HS3ST2: variants seen among roughly 807,000 people sequenced by gnomAD.
HS3ST2 encodes the protein heparan sulfate glucosamine 3-O-sulfotransferase 2.
In HS3ST2, 17 loss-of-function variants were observed where a neutral mutation model predicts 26.3. That is an observed-to-expected ratio of 0.65 (90% CI 0.44 to 0.97). The LOEUF (loss-of-function observed/expected upper bound fraction) is 0.97, where lower values mean the gene tolerates loss of function less well. HS3ST2 is among the 50% of genes least tolerant of loss of function. The pLI is 0.00. For missense variants in HS3ST2, 402 were observed against 501.2 expected, an observed-to-expected ratio of 0.80 and a Z score of 1.89; for synonymous variants, 237 against 219.2, an observed-to-expected ratio of 1.08 and a Z score of -0.72.
At chr16:22,846,695 C>A (rs1459539539) in intron 1 of HS3ST2, among the ~76,000 whole-genome samples, 3 of 152,228 alleles carry the variant, frequency 2.0e-5, no homozygotes, top group South Asian at 2.1e-4. Flanking sequence ...TGGACTAGGG[C>A]AATTCCAAAG....
intron 1 of HS3ST2, among the ~76,000 whole-genome samples, chr16:22,822,092 G>T (rs753895923): frequency 2.6e-5 from 4 of 152,168 alleles, no homozygotes; most frequent in Non-Finnish European, 5.9e-5. Context: ...CCTTCCAAAT[G>T]GTGGCATAGT....
intron 1 of HS3ST2, among the ~76,000 whole-genome samples, chr16:22,888,550 T>C (rs1040225832): frequency 2.2e-4 from 33 of 151,938 alleles, no homozygotes; most frequent in African/African-American, 8.0e-4. Context: ...CCACACCTGG[T>C]TAATTTTTTG....
intron 1 of HS3ST2, among the ~76,000 whole-genome samples, chr16:22,904,606 G>T (rs990633884): frequency 1.3e-5 from 2 of 152,210 alleles, no homozygotes; most frequent in Non-Finnish European, 2.9e-5. Flanking sequence ...TGCCAGGCAG[G>T]TTAAGGAGGG....
At chr16:22,886,432 T>C (rs1902059482) in intron 1 of HS3ST2, among the ~76,000 whole-genome samples, 1 of 152,206 alleles carries the variant, frequency 6.6e-6, no homozygotes, top group African/African-American at 2.4e-5. Context: ...GGGCTTCTTG[T>C]GTGAAGTGCA....
In HS3ST2 at chr16:22,914,736, C is replaced by CAAAAAAAAAAA. The variant is rs1159639879; in HGVS notation, c.486-190_486-180dup. Among the ~76,000 whole-genome samples, 4 of 35,946 alleles carry CAAAAAAAAAAA rather than the reference C, an allele frequency of 1.1e-4. 1 individual carries two copies. Among genetic ancestry groups the CAAAAAAAAAAA allele is most frequent in the African/African-American group, 3.9e-4 (4 of 10,358 alleles). 23.6% of individuals were successfully genotyped at this position (35,946 alleles called of 152,430 possible). ...TGGGCGACAGAGTGAGACCTTGTCT[C>CAAAAAAAAAAA]AAAAAAAAAAAAAAAAAAAAAAAAA... On this transcript the variant is annotated intron_variant, in intron 1 of 1. Coordinates refer to ENST00000261374, the MANE Select transcript of HS3ST2 (RefSeq NM_006043.2).
chr16:22,833,318 G>A, intron 1 of HS3ST2: 1 of 456,014 alleles, frequency 2.2e-6, no homozygotes, highest in Non-Finnish European at 4.4e-6. Flanking sequence ...GCACACACTT[G>A]GGTGATTGTG....
chr16:22,880,098 C>T (rs993636744), intron 1 of HS3ST2, among the ~76,000 whole-genome samples: 1 of 152,144 alleles, frequency 6.6e-6, no homozygotes, highest in Admixed American at 6.5e-5. Context: ...TAGCTGCTAA[C>T]TCTCCTATCT....
At chr16:22,831,615 G>A (rs182322) in intron 1 of HS3ST2, among the ~76,000 whole-genome samples, 63,994 of 151,244 alleles carry the variant, frequency 0.42, 14,228 homozygotes, top group African/African-American at 0.58. Context: ...TACAATCTCA[G>A]TTTAAATCAC....
rs375569849 is a variant in HS3ST2 at position 22,841,868 on chromosome 16, G to A, written c.485+26773G>A. ...GCCTTCTCTTTCAATTAATCATTTAGCTCAGTATGGAATTCTAGGTTGGTG... is the reference window on the plus strand; with the variant it reads ...GCCTTCTCTTTCAATTAATCATTTAACTCAGTATGGAATTCTAGGTTGGTG... On this transcript the variant is annotated intron_variant, in intron 1 of 1. Transcript: ENST00000261374. Among the ~76,000 whole-genome samples the A allele has an allele frequency of 2.6e-5, 4 of 151,796 alleles. No homozygotes were observed. In the South Asian group the frequency reaches 8.3e-4, roughly 32 times the overall value.
chr16:22,815,188 C>T, intron 1 of HS3ST2, 93 bp downstream of exon 1: 2 of 1,506,496 alleles, frequency 1.3e-6, no homozygotes, highest in Non-Finnish European at 1.8e-6. Flanking sequence ...TTCTTTTAAC[C>T]CAACTCATTG....
At chr16:22,834,976 G>A (rs1458995190) in intron 1 of HS3ST2, among the ~76,000 whole-genome samples, 3 of 151,940 alleles carry the variant, frequency 2.0e-5, no homozygotes, top group African/African-American at 4.8e-5. Flanking sequence ...TTTAAAAGAG[G>A]ATGTTTAATG....
At chr16:22,854,837 G>C (rs1901567360) in intron 1 of HS3ST2, 1 of 152,064 alleles carries the variant, frequency 6.6e-6, no homozygotes, top group African/African-American at 2.4e-5. Flanking sequence ...ACAGGGTCTT[G>C]CTTGGTTGCT....
chr16:22,910,770 G>A (rs180779898), intron 1 of HS3ST2, among the ~76,000 whole-genome samples: 2 of 152,222 alleles, frequency 1.3e-5, no homozygotes, highest in East Asian at 1.9e-4. Context: ...GGTTCAAGGC[G>A]CCAATGGGTG....
At chr16:22,858,341 T>C (rs1391863566) in intron 1 of HS3ST2, among the ~76,000 whole-genome samples, 1 of 150,500 alleles carries the variant, frequency 6.6e-6, no homozygotes, top group Non-Finnish European at 1.5e-5. Context: ...CCACAAATTT[T>C]TTTTAAAAAA....
At chr16:22,882,109 C>A (rs561204020) in intron 1 of HS3ST2, among the ~76,000 whole-genome samples, 6 of 152,280 alleles carry the variant, frequency 3.9e-5, no homozygotes, top group African/African-American at 1.4e-4. Context: ...CCTGTAATCC[C>A]AGCACTTGGG....
chr16:22,828,153 A>G (rs1179332651), intron 1 of HS3ST2, among the ~76,000 whole-genome samples: 1 of 152,182 alleles, frequency 6.6e-6, no homozygotes, highest in Non-Finnish European at 1.5e-5. Flanking sequence ...CAAAGAAAAG[A>G]ACATTACGTT....
chr16:22,823,028 A>T (rs938580371), intron 1 of HS3ST2, among the ~76,000 whole-genome samples: 2 of 152,166 alleles, frequency 1.3e-5, no homozygotes, highest in Admixed American at 1.3e-4. Context: ...CTTTCTAAAG[A>T]TATGCTATGG....
At chr16:22,841,486 C>G (rs1901355752) in intron 1 of HS3ST2, among the ~76,000 whole-genome samples, 1 of 152,192 alleles carries the variant, frequency 6.6e-6, no homozygotes, top group African/African-American at 2.4e-5. Context: ...CTACTTATAT[C>G]CTTTAGTGGT....
intron 1 of HS3ST2, among the ~76,000 whole-genome samples, chr16:22,887,214 T>C (rs1902072765): frequency 6.6e-6 from 1 of 152,240 alleles, no homozygotes; most frequent in Admixed American, 6.5e-5. Flanking sequence ...CACATGACCT[T>C]GCTCCTGCAA....
Sources: allele counts gnomAD v4.1 joint callset (sites outside exome capture counted in the v4.1 genomes callset), GRCh38; gene constraint gnomAD v4.1.1; transcripts MANE v1.5; gene names NCBI Gene and HGNC (gene_info 2026-07-23, HGNC 2026-07-21).